SLC41A2: variants seen among roughly 807,000 people sequenced by gnomAD.
SLC41A2 encodes the protein solute carrier family 41 member 2.
Under a neutral mutation model 58.3 loss-of-function variants are expected in SLC41A2, and 32 were observed. The ratio of observed to expected loss-of-function variants is 0.55; its 90% confidence interval spans 0.41 to 0.74. The LOEUF is 0.74. SLC41A2 is among the 30% of genes least tolerant of loss of function. SLC41A2 has a pLI of 0.00. For synonymous variants in SLC41A2, 190 were observed against 235.0 expected (o/e 0.81, Z 1.75); for missense variants, 514 against 680.6 (o/e 0.76, Z 2.72).
At chr12:104,870,378 T>G (rs756036373) in intron 6 of SLC41A2, among the ~76,000 whole-genome samples, 27 of 152,232 alleles carry the variant, frequency 1.8e-4, no homozygotes, top group Non-Finnish European at 2.6e-4. Context: ...TTTGAATTTA[T>G]ACTTAATTGT....
chr12:104,916,552 C>T (rs1253181413), intron 2 of SLC41A2, among the ~76,000 whole-genome samples: 1 of 152,152 alleles, frequency 6.6e-6, no homozygotes, highest in Non-Finnish European at 1.5e-5. Flanking sequence ...TTGGAGGCAT[C>T]ACGCTACCTG....
At chr12:104,833,164 T>G (rs2042096118) in intron 10 of SLC41A2, among the ~76,000 whole-genome samples, 1 of 152,216 alleles carries the variant, frequency 6.6e-6, no homozygotes, top group East Asian at 1.9e-4. Context: ...AGACTGATTG[T>G]TCTTTAGCCA....
intron 10 of SLC41A2, among the ~76,000 whole-genome samples, chr12:104,819,837 C>T (rs2041556156): frequency 6.6e-6 from 1 of 152,212 alleles, no homozygotes; most frequent in Non-Finnish European, 1.5e-5. Context: ...CCCTTCTTTT[C>T]CTCCTGTAAG....
At position 104,804,066 on chromosome 12, in the gene SLC41A2, C is replaced by T. The variant is rs1264411643; in HGVS notation, c.*1086G>A. ...GCTGAGGCAGGAGAATCACTTGAAT[C>T]CAGGAGGTGGAGGTAGCAGTGAGCC... On this transcript the variant is annotated 3_prime_UTR_variant, in exon 11 of 11. Coordinates refer to ENST00000258538, the MANE Select transcript of SLC41A2 (RefSeq NM_001352171.3). 1 of 143,638 alleles carries T rather than the reference C, an allele frequency of 7.0e-6. No individual in the cohort carries two copies. The highest frequency in any genetic ancestry group is 1.5e-5 in the Non-Finnish European group (1 of 66,998). 8.9% of individuals were successfully genotyped at this position (143,638 alleles called of 1,614,324 possible).
intron 10 of SLC41A2, among the ~76,000 whole-genome samples, chr12:104,831,771 A>G (rs1162771557): frequency 6.6e-6 from 1 of 152,208 alleles, no homozygotes; most frequent in African/African-American, 2.4e-5. Flanking sequence ...ACTTATTTAT[A>G]TCTAACATAG....
chr12:104,828,212 G>A (rs1206062805), intron 10 of SLC41A2, among the ~76,000 whole-genome samples: 1 of 152,190 alleles, frequency 6.6e-6, no homozygotes, highest in Non-Finnish European at 1.5e-5. Flanking sequence ...GCCATCGACT[G>A]GCAGAATGAT....
intron 8 of SLC41A2, among the ~76,000 whole-genome samples, chr12:104,849,644 A>G (rs2042728477): frequency 6.6e-6 from 1 of 152,138 alleles, no homozygotes; most frequent in Non-Finnish European, 1.5e-5. Context: ...CCTGGGCAAT[A>G]TAGTGAGACT....
At chr12:104,899,967 T>G (rs1213559262) in intron 3 of SLC41A2, among the ~76,000 whole-genome samples, 2 of 152,184 alleles carry the variant, frequency 1.3e-5, no homozygotes, top group South Asian at 4.1e-4. Flanking sequence ...CTTTAGTACT[T>G]GGTCACAGAT....
At chr12:104,911,771 C>T (rs1376648859) in intron 2 of SLC41A2, among the ~76,000 whole-genome samples, 1 of 152,114 alleles carries the variant, frequency 6.6e-6, no homozygotes, top group Non-Finnish European at 1.5e-5. Context: ...AGGGAAATCC[C>T]TCTAATTGGG....
intron 10 of SLC41A2, among the ~76,000 whole-genome samples, chr12:104,822,920 A>T (rs1036697218): frequency 6.6e-6 from 1 of 152,170 alleles, no homozygotes; most frequent in Non-Finnish European, 1.5e-5. Context: ...GGAATTAAAG[A>T]AAGGGGCAAA....
At chr12:104,864,358 T>C (rs1457563833) in intron 7 of SLC41A2, among the ~76,000 whole-genome samples, 1 of 152,198 alleles carries the variant, frequency 6.6e-6, no homozygotes, top group Non-Finnish European at 1.5e-5. Flanking sequence ...GTGGTTGATA[T>C]TGTGACTGTA....
At chr12:104,874,560 AT>A (rs2043957238) in intron 6 of SLC41A2, among the ~76,000 whole-genome samples, 1 of 152,148 alleles carries the variant, frequency 6.6e-6, no homozygotes, top group African/African-American at 2.4e-5. Context: ...GTCTAGTTTC[AT>A]TCTTTTGCAT....
At chr12:104,856,769 AG>A (rs11290711) in intron 8 of SLC41A2, among the ~76,000 whole-genome samples, 1,944 of 152,252 alleles carry the variant, frequency 0.013, 48 homozygotes, top group African/African-American at 0.044. Context: ...ACATTGTTAG[AG>A]ATACGAACAG....
intron 6 of SLC41A2, among the ~76,000 whole-genome samples, chr12:104,885,347 G>C (rs1003417091): frequency 2.0e-4 from 30 of 152,152 alleles, no homozygotes; most frequent in African/African-American, 7.2e-4. Flanking sequence ...GTCTCCAAAA[G>C]TCACAGAAAA....
At chr12:104,850,398 C>T (rs917103774) in intron 8 of SLC41A2, among the ~76,000 whole-genome samples, 2 of 152,106 alleles carry the variant, frequency 1.3e-5, no homozygotes, top group Non-Finnish European at 2.9e-5. Context: ...AAATATTATA[C>T]TCAGAAATAA....
At chr12:104,852,181 G>T (rs986785654) in intron 8 of SLC41A2, among the ~76,000 whole-genome samples, 11 of 152,274 alleles carry the variant, frequency 7.2e-5, no homozygotes, top group African/African-American at 2.4e-4. Flanking sequence ...AAAAGGAAAA[G>T]AATCTAATAT....
intron 5 of SLC41A2, among the ~76,000 whole-genome samples, chr12:104,888,636 C>T (rs969739573): frequency 1.3e-5 from 2 of 152,014 alleles, no homozygotes; most frequent in African/African-American, 4.8e-5. Context: ...AAAAAAATTT[C>T]AACAGAGGAT....
intron 6 of SLC41A2, among the ~76,000 whole-genome samples, chr12:104,882,775 G>T (rs2044446687): frequency 6.6e-6 from 1 of 152,096 alleles, no homozygotes; most frequent in Non-Finnish European, 1.5e-5. Context: ...TTCAACCTTG[G>T]TGAATCTGAC....
At chr12:104,821,524 T>G (rs1394798534) in intron 10 of SLC41A2, among the ~76,000 whole-genome samples, 1 of 152,240 alleles carries the variant, frequency 6.6e-6, no homozygotes, top group Admixed American at 6.5e-5. Flanking sequence ...AGCTGAATGG[T>G]AGTCCCGCTA....
Sources: gnomAD v4.1 joint callset for allele counts (sites outside exome capture counted in the v4.1 genomes callset) on GRCh38, gnomAD v4.1.1 for gene constraint, MANE v1.5 for transcripts, NCBI Gene and HGNC (gene_info 2026-07-23, HGNC 2026-07-21) for gene names.